The following SAMD4B variants were observed in gnomAD, a reference collection of about 807,000 sequenced individuals.
The protein encoded by SAMD4B is sterile alpha motif domain containing 4B.
A neutral mutation model predicts 74.5 loss-of-function variants in SAMD4B; 5 were observed. The ratio of observed to expected loss-of-function variants is 0.07; its 90% CI spans 0.04 to 0.14. The LOEUF (loss-of-function observed/expected upper bound fraction) is 0.14. Among genes scored for constraint, SAMD4B ranks in the 10% least tolerant of loss-of-function variants. SAMD4B has a pLI of 1.00. For synonymous variants in SAMD4B, 373 were observed against 374.9 expected (o/e 1.00, Z 0.06); for missense variants, 608 against 921.8 (o/e 0.66, Z 4.41).
At chr19:39,389,035 G>A (rs1405979492), downstream of SAMD4B, 2 of 1,613,668 alleles carry the variant, frequency 1.2e-6, no homozygotes, top group African/African-American at 2.7e-5. This position sits in a 1 kb window ranked among gnomAD's most constrained non-coding sequence, Gnocchi z 5.3. Flanking sequence ...CAAAAACAAG[G>A]TGAGGAGGAG....
Position 39,345,180 on chromosome 19 carries a change from C to T in SAMD4B, c.-267+2604C>T, listed in dbSNP as rs1369827583. 2.6e-5 allele frequency among the ~76,000 whole-genome samples: 4 copies of T among 152,152 alleles called. No homozygotes were observed. In the East Asian group the frequency reaches 7.7e-4, roughly 29 times the overall value. Reference sequence around the variant, plus strand: ...TGCCCTTTAGGAGGATTTCCTTTTCCTCACTAAAAGCCCCCTGAAAGATGC... The same window carrying T: ...TGCCCTTTAGGAGGATTTCCTTTTCTTCACTAAAAGCCCCCTGAAAGATGC... On this transcript the variant is annotated intron_variant, in intron 1 of 13. Transcript: ENST00000610417.
rs78036353 is a variant in SAMD4B, at chr19:39,364,328, G to A, written c.197-5327G>A. On this transcript the variant is annotated intron_variant, in intron 3 of 13. Coordinates refer to ENST00000610417, the MANE Select transcript of SAMD4B (RefSeq NM_001384574.2). ...TAAACAACAGCGATTGAGAATGTCAGGGTAGGGCTGGAGGGGCAGGCTGAC... is the reference window on the plus strand; with the variant it reads ...TAAACAACAGCGATTGAGAATGTCAAGGTAGGGCTGGAGGGGCAGGCTGAC... Among the ~76,000 whole-genome samples, 3 of 152,322 alleles carry A rather than the reference G, an allele frequency of 2.0e-5. No homozygotes were observed. In the East Asian group the frequency reaches 5.8e-4, roughly 29 times the overall value.
At chr19:39,345,832 T>A (rs2075664579) in intron 1 of SAMD4B, among the ~76,000 whole-genome samples, 1 of 152,186 alleles carries the variant, frequency 6.6e-6, no homozygotes, top group South Asian at 2.1e-4. Context: ...CATTCAGGTT[T>A]AGTACACCTT....
rs547795715 is a variant in SAMD4B at position 39,383,608 on chromosome 19, C to A, written c.*81C>A. ...CCCCCAACGGGCTTCTCCGCGACAGCGAGAGGGTGGGCTGGCTCAGCTATA... is the reference window on the plus strand; with the variant it reads ...CCCCCAACGGGCTTCTCCGCGACAGAGAGAGGGTGGGCTGGCTCAGCTATA... On this transcript the variant is annotated 3_prime_UTR_variant, in exon 14 of 14. Coordinates refer to ENST00000610417, the MANE Select transcript of SAMD4B (RefSeq NM_001384574.2). The surrounding 1 kb of genome is among the most constrained non-coding windows in gnomAD (Gnocchi z 4.1). The A allele has an allele frequency of 1.2e-6, 2 of 1,613,688 alleles. No individual in the cohort carries two copies. Among genetic ancestry groups the A allele is most frequent in the Non-Finnish European group, 1.7e-6 (2 of 1,179,830 alleles).
chr19:39,373,367 G>C (rs2077416285), intron 4 of SAMD4B, among the ~76,000 whole-genome samples: 1 of 152,180 alleles, frequency 6.6e-6, no homozygotes, highest in African/African-American at 2.4e-5. Flanking sequence ...GGACTTCTGT[G>C]TGTCATGCCC....
chr19:39,387,366 G>A (rs40441), downstream of SAMD4B: 43,658 of 168,446 alleles, frequency 0.26, 11,227 homozygotes, highest in African/African-American at 0.7. Context: ...ATTACTGTAT[G>A]TGTCAGTTAG....
downstream of SAMD4B, chr19:39,390,051 C>T: frequency 1.3e-6 from 2 of 1,596,526 alleles, no homozygotes; most frequent in South Asian, 2.2e-5. Context: ...GAGTAGTTTT[C>T]CCATTCCTTA....
rs1185753988 is a variant in SAMD4B at position 39,376,708 on chromosome 19, G to A, written c.1021G>A (p.Val341Ile). 13 of 1,613,866 alleles carry A rather than the reference G, an allele frequency of 8.1e-6. No homozygotes were observed. Among genetic ancestry groups the A allele is most frequent in the South Asian group, 2.2e-5 (2 of 91,070 alleles). ...TCCCCTTCTGCCCTTATCACAGAAC[G>A]TCACCAAAGGTGCCCGCCACAAGAT... ...LTEQHLESQN[V>I]TKGARHKIAL... The change falls in exon 7 of 14, where the codon GTC becomes ATC. Residue 341 changes from valine to isoleucine, a missense_variant. Physicochemically the swap from Val to Ile is conservative, Grantham distance 29. Around this residue, in one of 9 missense-constraint regions of SAMD4B, gnomAD observed 39 missense variants for 125.3 expected, o/e 0.31. Transcript: ENST00000610417.
Position 39,364,697 on chromosome 19 carries a change from C to T in SAMD4B, c.197-4958C>T, listed in dbSNP as rs191087699. ...GAGTTCTTATCGTTTGATCCAGTGC[C>T]AGGTGGAGTTGGGAGGGCAGGAAAG... is the stretch of plus-strand genomic sequence containing the variant. On this transcript the variant is annotated intron_variant, in intron 3 of 13. Transcript: ENST00000610417. 1.8e-3 allele frequency among the ~76,000 whole-genome samples: 271 copies of T among 152,244 alleles called. 1 individual carries two copies. Among genetic ancestry groups the T allele is most frequent in the Middle Eastern group, 0.014 (4 of 294 alleles).
chr19:39,372,673 C>T (rs1226709949), intron 4 of SAMD4B, among the ~76,000 whole-genome samples: 1 of 152,096 alleles, frequency 6.6e-6, no homozygotes, highest in African/African-American at 2.4e-5. Flanking sequence ...CACCCCAGTG[C>T]GGAGCCAAGC....
intron 3 of SAMD4B, among the ~76,000 whole-genome samples, chr19:39,367,995 A>C (rs1309839767): frequency 2.0e-5 from 3 of 151,438 alleles, no homozygotes; most frequent in African/African-American, 7.3e-5. Context: ...CGGGTGGATC[A>C]CGAGGTCAGG....
chr19:39,377,494 G>A lies in SAMD4B; in HGVS notation c.1114G>A (p.Glu372Lys), dbSNP rs760971805. ...VLKSLEKDVLEGGNLRNALQE... is the reference protein window; with the variant it reads ...VLKSLEKDVLKGGNLRNALQE... ...GTGTCCTCCCATCCAGGATGTGCTGGAAGGCGGGAACCTACGAAACGCTCT... is the reference window on the plus strand; with the variant it reads ...GTGTCCTCCCATCCAGGATGTGCTGAAAGGCGGGAACCTACGAAACGCTCT... Residue 372 changes from glutamate (E) to lysine (K), a missense_variant, in exon 8 of 14, where the codon GAA (glutamate) becomes AAA (lysine). Coordinates refer to ENST00000610417, the MANE Select transcript of SAMD4B (RefSeq NM_001384574.2). 1 of 1,563,944 alleles carries A rather than the reference G, an allele frequency of 6.4e-7. No individual in the cohort carries two copies. The highest frequency in any genetic ancestry group is 8.7e-7 in the Non-Finnish European group (1 of 1,149,376).
intron 4 of SAMD4B, among the ~76,000 whole-genome samples, chr19:39,371,887 A>C (rs543862716): frequency 6.6e-6 from 1 of 152,054 alleles, no homozygotes; most frequent in Admixed American, 6.6e-5. Flanking sequence ...AACTTTATAC[A>C]TATAAACTCA....
intron 1 of SAMD4B, among the ~76,000 whole-genome samples, chr19:39,343,288 G>C (rs1451669543): frequency 6.6e-6 from 1 of 150,862 alleles, no homozygotes; most frequent in African/African-American, 2.4e-5. Flanking sequence ...CCTCCTTGGA[G>C]ATTTTCCGCT....
chr19:39,351,845 A>G (rs540576800), intron 1 of SAMD4B: 4 of 152,322 alleles, frequency 2.6e-5, no homozygotes, highest in African/African-American at 7.2e-5. Context: ...AGAGAGGACT[A>G]TCCTTGGCCA....
intron 1 of SAMD4B, among the ~76,000 whole-genome samples, chr19:39,343,663 C>T (rs900419702): frequency 2.0e-5 from 3 of 151,836 alleles, no homozygotes; most frequent in Non-Finnish European, 4.4e-5. Flanking sequence ...CACCCCCACT[C>T]ATTCTAAAAA....
Position 39,385,523 on chromosome 19 carries a change from CCCT to C in SAMD4B, c.*2002_*2004del, listed in dbSNP as rs2078225039. The stretch of plus-strand genomic sequence containing the variant: ...CTCCCGCTCCAGCCCCCTCCCCAGG[CCCT>C]CCTCCATGATTTCACCCTCCCTACC... On this transcript the variant is annotated 3_prime_UTR_variant, in exon 14 of 14. Transcript: ENST00000610417. The C allele has an allele frequency of 2.1e-6, 1 of 472,570 alleles. No individual in the cohort carries two copies. The highest frequency in any genetic ancestry group is 3.7e-6 in the Non-Finnish European group (1 of 270,704). The allele number at this position is 472,570 out of a possible 1,614,324, so 29.3% of individuals were successfully genotyped here.
In SAMD4B at chr19:39,385,476, T is replaced by TAGAG; in HGVS notation, c.*1949_*1950insAGAG. ...GTGCAGGACGCAGGCGGCCCCACTC[T>TAGAG]GATGGGCAGGACCCTGACCCTCTCC... On this transcript the variant is annotated 3_prime_UTR_variant, in exon 14 of 14. Transcript: ENST00000610417. 1 of 440,900 alleles carries TAGAG rather than the reference T, an allele frequency of 2.3e-6. No homozygotes were observed. Among genetic ancestry groups the TAGAG allele is most frequent in the Non-Finnish European group, 4.0e-6 (1 of 250,770 alleles). 27.3% of individuals were successfully genotyped at this position (440,900 alleles called of 1,614,324 possible). A position where few individuals can be genotyped will look rare whatever the true frequency, so the allele number is the denominator to read the frequency against.
intron 1 of SAMD4B, among the ~76,000 whole-genome samples, chr19:39,347,930 G>A (rs544409994): frequency 6.6e-6 from 1 of 152,244 alleles, no homozygotes; most frequent in Admixed American, 6.5e-5. Flanking sequence ...TTCTGATGGG[G>A]GGAGGAAACA....
Sources: gnomAD v4.1 joint callset for allele counts (sites outside exome capture counted in the v4.1 genomes callset) on GRCh38, gnomAD v4.1.1 for gene constraint, gnomAD v4.1.1 regional missense constraint, Gnocchi (gnomAD v3.1) non-coding constraint, MANE v1.5 for transcripts, NCBI Gene and HGNC (gene_info 2026-07-23, HGNC 2026-07-21) for gene names.